SH2D4B: variants seen among roughly 807,000 people sequenced by gnomAD.
SH2D4B encodes SH2 domain containing 4B, also known as SH2 domain-containing protein 4B.
A neutral mutation model predicts 61.5 loss-of-function variants in SH2D4B; 45 were observed. The ratio of observed to expected loss-of-function variants is 0.73; its 90% CI spans 0.58 to 0.94. The LOEUF (loss-of-function observed/expected upper bound fraction) is 0.94. Among genes scored for constraint, SH2D4B ranks in the 40% least tolerant of loss-of-function variants. The pLI is 0.00. For synonymous variants in SH2D4B, 224 were observed against 220.4 expected (o/e 1.02, Z -0.14); for missense variants, 572 against 574.2 (o/e 1.00, Z 0.04).
intron 3 of SH2D4B, among the ~76,000 whole-genome samples, chr10:80,582,535 G>A (rs549548924): frequency 1.3e-5 from 2 of 152,130 alleles, no homozygotes; most frequent in Admixed American, 6.5e-5. Flanking sequence ...TCATAAATAG[G>A]AATCCTGGAG....
chr10:80,619,192 C>CG (rs111231915), intron 6 of SH2D4B, among the ~76,000 whole-genome samples: 2 of 152,016 alleles, frequency 1.3e-5, no homozygotes, highest in African/African-American at 2.4e-5. Flanking sequence ...GTGGGGCCAG[C>CG]GGGGCTGCAG....
chr10:80,573,974 T>TA (rs1842093964), intron 3 of SH2D4B, among the ~76,000 whole-genome samples: 1 of 152,224 alleles, frequency 6.6e-6, no homozygotes, highest in Non-Finnish European at 1.5e-5. Flanking sequence ...AGAAATGTGA[T>TA]ATGTTATTCA....
At position 80,600,520 on chromosome 10, in the gene SH2D4B, C is replaced by CGTGTGTGTGTGTGTGTGT. The variant is rs769408150; in HGVS notation, c.644-3059_644-3058insGTGTGTGTGTGTGTGTGT. 2.9e-3 allele frequency among the ~76,000 whole-genome samples: 382 copies of CGTGTGTGTGTGTGTGTGT among 133,706 alleles called. 6 individuals carry two copies. Among genetic ancestry groups the CGTGTGTGTGTGTGTGTGT allele is most frequent in the African/African-American group, 0.01 (353 of 34,540 alleles). 87.7% of individuals were successfully genotyped at this position (133,706 alleles called of 152,430 possible). A position where few individuals can be genotyped will look rare whatever the true frequency, so the allele number is the denominator to read the frequency against. ...GTGGTGGAGCTACAGTGCAGAGTGG[C>CGTGTGTGTGTGTGTGTGT]ATGTGTGTGTGTGTGTGTGTGTGTG... On this transcript the variant is annotated intron_variant, in intron 4 of 7. Coordinates refer to ENST00000646907, the MANE Select transcript of SH2D4B (RefSeq NM_001388272.1).
At chr10:80,570,027 G>A (rs913469764) in intron 1 of SH2D4B, 127 bp from the exon 2 acceptor site, 1 of 1,181,352 alleles carries the variant, frequency 8.5e-7, no homozygotes, top group African/African-American at 1.5e-5. Context: ...GTGTCTCTCT[G>A]GCATTCTTTT....
intron 7 of SH2D4B, among the ~76,000 whole-genome samples, chr10:80,640,058 G>C (rs1018574258): frequency 6.6e-6 from 1 of 152,114 alleles, no homozygotes; most frequent in South Asian, 2.1e-4. Flanking sequence ...GCTTAGTTTG[G>C]CTGGATATGC....
chr10:80,604,412 A>C (rs1842491915), intron 5 of SH2D4B, among the ~76,000 whole-genome samples: 1 of 152,132 alleles, frequency 6.6e-6, no homozygotes. Flanking sequence ...CCCCCACCTT[A>C]GGCCACCCCA....
chr10:80,554,694 A>G (rs1841804725), intron 1 of SH2D4B, among the ~76,000 whole-genome samples: 2 of 152,244 alleles, frequency 1.3e-5, no homozygotes, highest in South Asian at 4.2e-4. Context: ...ATCTAAAGTC[A>G]ACTGATTGAA....
chr10:80,638,572 C>A lies in SH2D4B; in HGVS notation c.1209+4067C>A, dbSNP rs374298926. Among the ~76,000 whole-genome samples, 17 of 152,150 alleles carry A rather than the reference C, an allele frequency of 1.1e-4. No individual in the cohort carries two copies. In the East Asian group the frequency reaches 3.1e-3, roughly 28 times the overall value. On this transcript the variant is annotated intron_variant, in intron 7 of 7. Transcript: ENST00000646907. The stretch of plus-strand genomic sequence containing the variant: ...CTTCTAGATTTTCTAGTTTATTTGC[C>A]TAGAGGTGTTTATAGTATTCTCTGA...
intron 6 of SH2D4B, among the ~76,000 whole-genome samples, chr10:80,627,384 C>T (rs897712744): frequency 2.6e-5 from 4 of 152,188 alleles, no homozygotes; most frequent in Admixed American, 1.3e-4. Flanking sequence ...TGCTGCCTAT[C>T]GTACACCTCT....
At chr10:80,602,331 C>T (rs1371368629) in intron 4 of SH2D4B, among the ~76,000 whole-genome samples, 5 of 152,094 alleles carry the variant, frequency 3.3e-5, no homozygotes, top group African/African-American at 4.8e-5. Context: ...GGCATGGTGG[C>T]GCACACCTGT....
At chr10:80,540,467 G>A (rs529281465) in intron 1 of SH2D4B, among the ~76,000 whole-genome samples, 1 of 152,324 alleles carries the variant, frequency 6.6e-6, no homozygotes, top group African/African-American at 2.4e-5. Context: ...CTGCTCCCGT[G>A]TCCCTGCGGG....
intron 3 of SH2D4B, among the ~76,000 whole-genome samples, chr10:80,583,384 T>G (rs962644523): frequency 6.6e-6 from 1 of 151,914 alleles, no homozygotes; most frequent in Non-Finnish European, 1.5e-5. Context: ...AGACAACAGA[T>G]GGAGCCGGGC....
intron 1 of SH2D4B, among the ~76,000 whole-genome samples, chr10:80,546,040 CTCTT>C (rs1230276310): frequency 2.7e-5 from 4 of 147,894 alleles, no homozygotes; most frequent in South Asian, 2.1e-4. Flanking sequence ...TTCTTTCTCT[CTCTT>C]TCTTTTTTTT....
chr10:80,544,723 C>T (rs1589328934), intron 1 of SH2D4B, among the ~76,000 whole-genome samples: 2 of 152,226 alleles, frequency 1.3e-5, no homozygotes, highest in South Asian at 4.1e-4. Flanking sequence ...CCCTGCCCAC[C>T]CTACCTCAAG....
chr10:80,575,718 C>A (rs1332045131), intron 3 of SH2D4B, among the ~76,000 whole-genome samples: 1 of 152,164 alleles, frequency 6.6e-6, no homozygotes, highest in South Asian at 2.1e-4. Flanking sequence ...GAGGTTGCAG[C>A]GAGTGGAGAT....
At chr10:80,614,956 G>C (rs1350647596) in intron 6 of SH2D4B, among the ~76,000 whole-genome samples, 1 of 152,208 alleles carries the variant, frequency 6.6e-6, no homozygotes, top group African/African-American at 2.4e-5. Flanking sequence ...TCCCCTCCTG[G>C]GTAGCCCTCC....
At chr10:80,566,090 CAAAAAAAAAAA>C (rs60774703) in intron 1 of SH2D4B, among the ~76,000 whole-genome samples, 3 of 23,816 alleles carry the variant, frequency 1.3e-4, no homozygotes, top group Middle Eastern at 0.062. Flanking sequence ...GACTCCGGCT[CAAAAAAAAAAA>C]AAAAAAAAAA....
intron 6 of SH2D4B, among the ~76,000 whole-genome samples, chr10:80,631,583 A>G (rs565203309): frequency 1.3e-5 from 2 of 152,386 alleles, no homozygotes; most frequent in East Asian, 3.9e-4. Flanking sequence ...GAATGGATAA[A>G]GAGATGTGGT....
chr10:80,568,687 T>C (rs879404923), intron 1 of SH2D4B, among the ~76,000 whole-genome samples: 3 of 152,246 alleles, frequency 2.0e-5, no homozygotes, highest in Non-Finnish European at 2.9e-5. Context: ...ATGTCGGTCC[T>C]GGTATATGAA....
Sources: gnomAD v4.1 joint callset for allele counts (sites outside exome capture counted in the v4.1 genomes callset) on GRCh38, gnomAD v4.1.1 for gene constraint, MANE v1.5 for transcripts, NCBI Gene and HGNC (gene_info 2026-07-23, HGNC 2026-07-21) for gene names.